ADGRL3: variants seen among roughly 807,000 people sequenced by gnomAD.
The protein encoded by ADGRL3 is adhesion G protein-coupled receptor L3, also known as calcium-independent alpha-latrotoxin receptor 3.
ADGRL3 carries 62 observed loss-of-function variants against 153.5 expected under a neutral mutation model. The ratio of observed to expected loss-of-function variants is 0.40; its 90% CI spans 0.33 to 0.50. ADGRL3 has a LOEUF of 0.50. ADGRL3 is among the 20% of genes least tolerant of loss of function. ADGRL3 has a pLI of 0.47. For synonymous variants in ADGRL3, 710 were observed against 672.5 expected (o/e 1.06, Z -0.86); for missense variants, 1,641 against 1,859.4 (o/e 0.88, Z 2.16).
chr4:61,946,342 A>T (rs190474994), intron 15 of ADGRL3, among the ~76,000 whole-genome samples: 189 of 152,166 alleles, frequency 1.2e-3, no homozygotes, highest in African/African-American at 4.4e-3. Context: ...TCATGTGTCT[A>T]TTGGCCTTTC....
chr4:61,586,085 A>C (rs2098945479), intron 4 of ADGRL3, among the ~76,000 whole-genome samples: 1 of 152,036 alleles, frequency 6.6e-6, no homozygotes, highest in Non-Finnish European at 1.5e-5. Flanking sequence ...AAATTGACAA[A>C]GCTTAAAGGA....
At chr4:61,510,242 G>C (rs1403908900) in intron 3 of ADGRL3, among the ~76,000 whole-genome samples, 1 of 152,144 alleles carries the variant, frequency 6.6e-6, no homozygotes, top group Non-Finnish European at 1.5e-5. Context: ...TTCTTTTGCT[G>C]TGTGAAAGTT....
intron 19 of ADGRL3, among the ~76,000 whole-genome samples, chr4:61,988,070 A>G (rs2099091877): frequency 6.6e-6 from 1 of 152,062 alleles, no homozygotes. Flanking sequence ...CATCTGGCTG[A>G]TGGATTTTGA....
intron 9 of ADGRL3, among the ~76,000 whole-genome samples, chr4:61,892,182 C>CTT (rs5858738): frequency 0.2 from 29,094 of 143,528 alleles, 3,697 homozygotes; most frequent in East Asian, 0.6. Context: ...TTTCTGTTTC[C>CTT]TTTTTTTTTT....
chr4:61,745,145 C>T (rs540981623), intron 8 of ADGRL3, among the ~76,000 whole-genome samples: 318 of 151,886 alleles, frequency 2.1e-3, no homozygotes, highest in African/African-American at 7.2e-3. Context: ...TGAACTGAAG[C>T]GAGAAGGGAA....
At chr4:61,276,083 G>T (rs546752453) in intron 1 of ADGRL3, among the ~76,000 whole-genome samples, 103 of 152,202 alleles carry the variant, frequency 6.8e-4, no homozygotes, top group Middle Eastern at 3.4e-3. Flanking sequence ...GTACCTAGGT[G>T]CAAAGGCTGC....
intron 1 of ADGRL3, among the ~76,000 whole-genome samples, chr4:61,325,497 A>G (rs934907615): frequency 2.6e-5 from 4 of 152,140 alleles, no homozygotes; most frequent in Admixed American, 1.3e-4. Flanking sequence ...TCAGTAGAAA[A>G]CTTTGAAGGT....
At position 61,743,000 on chromosome 4, in the gene ADGRL3, A is replaced by AT. The variant is rs112125226; in HGVS notation, c.1399+9459dup. The stretch of plus-strand genomic sequence containing the variant: ...TGTGACTGCAATATTTTAGCCTTAA[A>AT]TTTTTTTTTTTTTCAATAATGTTAG... On this transcript the variant is annotated intron_variant, in intron 8 of 26. Coordinates refer to ENST00000683033, the MANE Select transcript of ADGRL3 (RefSeq NM_001387552.1). Among the ~76,000 whole-genome samples the AT allele has an allele frequency of 1.7e-3, 247 of 145,590 alleles. 2 individuals carry two copies. Among genetic ancestry groups the AT allele is most frequent in the East Asian group, 4.8e-3 (24 of 4,970 alleles).
intron 6 of ADGRL3, among the ~76,000 whole-genome samples, chr4:61,689,363 G>C (rs1479564005): frequency 6.6e-6 from 1 of 152,032 alleles, no homozygotes; most frequent in Non-Finnish European, 1.5e-5. Flanking sequence ...GATTATATGA[G>C]TCTTGACATA....
chr4:61,646,982 G>C (rs924466628), intron 5 of ADGRL3, among the ~76,000 whole-genome samples: 22 of 152,326 alleles, frequency 1.4e-4, no homozygotes, highest in Non-Finnish European at 2.6e-4. Context: ...CTCCTGGTGC[G>C]CCGTTTTTTA....
chr4:61,818,830 A>G (rs567427660), intron 9 of ADGRL3, among the ~76,000 whole-genome samples: 60 of 152,296 alleles, frequency 3.9e-4, no homozygotes, highest in Non-Finnish European at 6.9e-4. Context: ...GTTCAATCCA[A>G]TTGCAGTTAT....
chr4:61,871,096 G>A (rs958094155), intron 9 of ADGRL3, among the ~76,000 whole-genome samples: 4 of 148,994 alleles, frequency 2.7e-5, no homozygotes, highest in African/African-American at 7.6e-5. Context: ...GGCTAACACG[G>A]TGAAACCCCG....
intron 1 of ADGRL3, among the ~76,000 whole-genome samples, chr4:61,317,168 T>C (rs1479073792): frequency 6.6e-6 from 1 of 152,218 alleles, no homozygotes. Context: ...GTCACTTTTG[T>C]GTGATTATTC....
At chr4:61,913,504 T>G (rs780368622) in intron 13 of ADGRL3, among the ~76,000 whole-genome samples, 1 of 152,184 alleles carries the variant, frequency 6.6e-6, no homozygotes, top group Non-Finnish European at 1.5e-5. Context: ...CACAGCATTT[T>G]TAAAAAGGCC....
intron 5 of ADGRL3, among the ~76,000 whole-genome samples, chr4:61,621,233 A>G (rs1386872481): frequency 6.6e-6 from 1 of 151,734 alleles, no homozygotes; most frequent in Non-Finnish European, 1.5e-5. Context: ...TCCTGTCTCA[A>G]TTATATAGTT....
At chr4:61,251,530 C>A (rs8180300) in intron 1 of ADGRL3, among the ~76,000 whole-genome samples, 1 of 152,028 alleles carries the variant, frequency 6.6e-6, no homozygotes, top group Non-Finnish European at 1.5e-5. Flanking sequence ...AGGACACCGA[C>A]GTTTAAGTCT....
At chr4:62,051,156 G>A (rs146322181) in intron 25 of ADGRL3, among the ~76,000 whole-genome samples, 854 of 44,356 alleles carry the variant, frequency 0.019, 15 homozygotes, top group African/African-American at 0.07. Flanking sequence ...CACAAAGAAC[G>A]TGTGTGTGTG....
At chr4:62,001,505 T>G (rs2099140230) in intron 21 of ADGRL3, among the ~76,000 whole-genome samples, 1 of 152,174 alleles carries the variant, frequency 6.6e-6, no homozygotes, top group African/African-American at 2.4e-5. Flanking sequence ...CCTTAATCTT[T>G]TCCAGAATCT....
At chr4:61,566,598 C>A (rs1373899394) in intron 4 of ADGRL3, among the ~76,000 whole-genome samples, 1 of 151,890 alleles carries the variant, frequency 6.6e-6, no homozygotes, top group Non-Finnish European at 1.5e-5. Context: ...TGGGAGGAGA[C>A]TAACAAAATT....
Sources: gnomAD v4.1 joint callset for allele counts (sites outside exome capture counted in the v4.1 genomes callset) on GRCh38, gnomAD v4.1.1 for gene constraint, MANE v1.5 for transcripts, NCBI Gene and HGNC (gene_info 2026-07-23, HGNC 2026-07-21) for gene names.